Variants in DOCK8 observed in about 807,000 individuals in gnomAD.
DOCK8 encodes dedicator of cytokinesis 8.
In DOCK8, 141 loss-of-function variants were observed where a neutral mutation model predicts 245.6. That is an observed-to-expected ratio of 0.57 (90% CI 0.50 to 0.66). DOCK8 has a LOEUF of 0.66. Among genes scored for constraint, DOCK8 ranks in the 30% least tolerant of loss-of-function variants. The pLI is 0.00. For synonymous variants in DOCK8, 1,168 were observed against 970.2 expected, an observed-to-expected ratio of 1.20 and a Z score of -3.79; for missense variants, 2,965 against 2,603.4, an observed-to-expected ratio of 1.14 and a Z score of -3.02.
At chr9:270,872 A>C (rs1341573132) in intron 1 of DOCK8, among the ~76,000 whole-genome samples, 1 of 152,218 alleles carries the variant, frequency 6.6e-6, no homozygotes, top group Admixed American at 6.5e-5. Context: ...ACAATGATGT[A>C]ATGAGAAAAC....
At chr9:421,114 G>T (rs1456873831) in intron 32 of DOCK8, 36 bp downstream of exon 32, 1 of 1,613,122 alleles carries the variant, frequency 6.2e-7, no homozygotes, top group African/African-American at 1.3e-5. Flanking sequence ...TCTCTGTCAA[G>T]CAGTTTTTCA....
intron 26 of DOCK8, among the ~76,000 whole-genome samples, chr9:400,733 A>C (rs1015846444): frequency 2.6e-4 from 20 of 77,802 alleles, no homozygotes; most frequent in Admixed American, 3.7e-4. Flanking sequence ...CACCACCTCC[A>C]CCACCACCAG....
At chr9:227,457 C>T (rs983328872) in intron 1 of DOCK8, among the ~76,000 whole-genome samples, 3 of 152,144 alleles carry the variant, frequency 2.0e-5, no homozygotes, top group Non-Finnish European at 2.9e-5. Context: ...CATTATCTTT[C>T]TCCTATTCTA....
chr9:388,574 A>G (rs540908539), intron 23 of DOCK8, among the ~76,000 whole-genome samples: 38 of 149,132 alleles, frequency 2.5e-4, no homozygotes, highest in Non-Finnish European at 5.0e-4. Context: ...TTTTTGAAAC[A>G]GAGTCTCACT....
rs1169450442 is a variant in DOCK8, at chr9:336,689, A to T, written c.1393A>T (p.Thr465Ser). The T allele has an allele frequency of 6.2e-7, 1 of 1,613,894 alleles. No homozygotes were observed. The highest frequency in any genetic ancestry group is 8.5e-7 in the Non-Finnish European group (1 of 1,179,942). The change falls in exon 12 of 48, where the codon ACT becomes TCT. Residue 465 changes from threonine to serine, a missense_variant. Thr to Ser is a moderately conservative substitution (Grantham distance 58). Coordinates refer to ENST00000432829, the MANE Select transcript of DOCK8 (RefSeq NM_203447.4). ...NGVGSNFKTS[T>S]LSVSSFFKQE... ...GGTTGGATCCAACTTCAAAACCTCC[A>T]CTCTGAGCGTTAGCAGCTTTTTCAA...
At chr9:356,187 C>G (rs1261308892) in intron 14 of DOCK8, among the ~76,000 whole-genome samples, 1 of 152,146 alleles carries the variant, frequency 6.6e-6, no homozygotes, top group African/African-American at 2.4e-5. Context: ...ATACATTTAT[C>G]CAGTGGACCT....
chr9:451,202 T>G (rs768620853), intron 45 of DOCK8, among the ~76,000 whole-genome samples: 1 of 151,768 alleles, frequency 6.6e-6, no homozygotes, highest in Non-Finnish European at 1.5e-5. Flanking sequence ...GTCCCAGTAC[T>G]TGGGAGGCTG....
chr9:271,759 A>G (rs765833730), intron 2 of DOCK8, 30 bp downstream of exon 2: 13 of 1,505,840 alleles, frequency 8.6e-6, no homozygotes, highest in Non-Finnish European at 9.0e-6. Flanking sequence ...TTACTTAGCG[A>G]TTGGTCAAGT....
intron 24 of DOCK8, among the ~76,000 whole-genome samples, chr9:394,134 G>A (rs372959708): frequency 7.9e-5 from 12 of 152,158 alleles, no homozygotes; most frequent in African/African-American, 2.9e-4. Flanking sequence ...GTTCTCCCAC[G>A]TAATGATCCC....
chr9:413,709 G>A (rs902699843), intron 28 of DOCK8, among the ~76,000 whole-genome samples: 1 of 152,182 alleles, frequency 6.6e-6, no homozygotes, highest in Non-Finnish European at 1.5e-5. Context: ...AATACCACTT[G>A]ATACCCACGA....
chr9:332,824 G>C (rs1474499912), intron 10 of DOCK8, among the ~76,000 whole-genome samples: 2 of 151,656 alleles, frequency 1.3e-5, no homozygotes, highest in Non-Finnish European at 2.9e-5. Context: ...TGCTTGGCTA[G>C]TTTTTTATTT....
chr9:221,659 A>C (rs946453457), intron 1 of DOCK8, among the ~76,000 whole-genome samples: 21 of 104,548 alleles, frequency 2.0e-4, no homozygotes, highest in Non-Finnish European at 3.8e-4. Context: ...TAAAAGTACA[A>C]AAAAAAAAAA....
intron 1 of DOCK8, chr9:215,348 G>A: frequency 6.2e-7 from 1 of 1,602,254 alleles, no homozygotes; most frequent in South Asian, 1.1e-5. Flanking sequence ...TCCCAGAAGG[G>A]TGATAGGCGC....
At position 428,355 on chromosome 9, in the gene DOCK8, C is replaced by T. The variant is rs1258177621; in HGVS notation, c.4339-7C>T. 25 of 1,613,940 alleles carry T rather than the reference C, an allele frequency of 1.5e-5. No homozygotes were observed. Among genetic ancestry groups the T allele is most frequent in the Middle Eastern group, 1.7e-4 (1 of 6,050 alleles). On this transcript the variant is annotated splice_region_variant and splice_polypyrimidine_tract_variant and intron_variant, in intron 34 of 47. Transcript: ENST00000432829. ...GATTCAATGATGCTGTTCTTCCATTCCCCCAGGCGAGCTCGGCTCTGGACT... is the reference window on the plus strand; with the variant it reads ...GATTCAATGATGCTGTTCTTCCATTTCCCCAGGCGAGCTCGGCTCTGGACT...
chr9:362,064 T>C (rs1454209241), intron 14 of DOCK8, among the ~76,000 whole-genome samples: 1 of 152,176 alleles, frequency 6.6e-6, no homozygotes, highest in East Asian at 1.9e-4. Flanking sequence ...CTTTGAGATT[T>C]TTAAGGCCCT....
Position 316,998 on chromosome 9 carries a change from C to T in DOCK8, c.742-45C>T, listed in dbSNP as rs2296824. ...CTGGGTTAACTCTAATTGGAGCTCC[C>T]CACAGAATTCACTAATGATTTCCTT... On this transcript the variant is annotated intron_variant, in intron 6 of 47. Coordinates refer to ENST00000432829, the MANE Select transcript of DOCK8 (RefSeq NM_203447.4). 653,878 of 1,470,626 alleles carry T rather than the reference C, an allele frequency of 0.44. 151,336 individuals carry two copies. The highest frequency in any genetic ancestry group is 0.68 in the African/African-American group (49,008 of 71,952). 91.1% of individuals were successfully genotyped at this position (1,470,626 alleles called of 1,614,324 possible). A position where few individuals can be genotyped will look rare whatever the true frequency, so the allele number is the denominator to read the frequency against.
At chr9:460,506 A>G (rs895515366) in intron 46 of DOCK8, 2 of 149,664 alleles carry the variant, frequency 1.3e-5, no homozygotes, top group Non-Finnish European at 2.9e-5. Context: ...ATAAAAAAAT[A>G]ATAAGGGGTG....
chr9:324,237 C>T (rs10758061), intron 7 of DOCK8, among the ~76,000 whole-genome samples: 3,684 of 152,280 alleles, frequency 0.024, 43 homozygotes, highest in Middle Eastern at 0.058. Context: ...CCCTTTTTGT[C>T]TGTGCTCATA....
chr9:298,464 T>G (rs2049365824), intron 4 of DOCK8, among the ~76,000 whole-genome samples: 2 of 152,132 alleles, frequency 1.3e-5, no homozygotes, highest in Admixed American at 1.3e-4. Flanking sequence ...TGATTTTGAT[T>G]TTTTCAGATA....
Sources: allele counts gnomAD v4.1 joint callset (sites outside exome capture counted in the v4.1 genomes callset), GRCh38; gene constraint gnomAD v4.1.1; transcripts MANE v1.5; gene names NCBI Gene and HGNC (gene_info 2026-07-23, HGNC 2026-07-21).